The following VPS13B variants were observed in gnomAD, a reference collection of about 807,000 sequenced individuals.
VPS13B encodes the protein intermembrane lipid transfer protein VPS13B.
A neutral mutation model predicts 426.4 loss-of-function variants in VPS13B; 285 were observed. The ratio of observed to expected loss-of-function variants is 0.67; its 90% CI spans 0.61 to 0.74. VPS13B has a LOEUF of 0.74. Ranked by LOEUF, VPS13B falls within the 30% of genes least tolerant of loss-of-function variation. VPS13B has a pLI of 0.00. For missense variants in VPS13B, 4,537 were observed against 4,782.6 expected (o/e 0.95, Z 1.51); for synonymous variants, 1,676 against 1,676.4 (o/e 1.00, Z 0.01).
At chr8:99,096,691 G>C (rs1846440878) in intron 4 of VPS13B, among the ~76,000 whole-genome samples, 1 of 151,566 alleles carries the variant, frequency 6.6e-6, no homozygotes, top group South Asian at 2.1e-4. Flanking sequence ...GGGAGGTGGG[G>C]GTTACAGTGA....
chr8:99,121,568 C>T, intron 8 of VPS13B, 123 bp downstream of exon 8: 1 of 1,499,586 alleles, frequency 6.7e-7, no homozygotes, highest in Non-Finnish European at 8.9e-7. Flanking sequence ...TAGAGTCTAA[C>T]AGTTCTTACT....
At chr8:99,487,083 A>G (rs1423382416) in intron 25 of VPS13B, among the ~76,000 whole-genome samples, 1 of 151,198 alleles carries the variant, frequency 6.6e-6, no homozygotes, top group African/African-American at 2.4e-5. Context: ...GTCTCCTGCC[A>G]CTGTTTCTCA....
chr8:99,520,789 T>C, intron 29 of VPS13B, 110 bp from the exon 30 acceptor site: 1 of 773,626 alleles, frequency 1.3e-6, no homozygotes, highest in East Asian at 2.5e-5. Context: ...TTCTTATTTA[T>C]TGGTCTTATC....
chr8:99,436,795 G>C (rs1817401622), intron 22 of VPS13B, among the ~76,000 whole-genome samples: 1 of 152,156 alleles, frequency 6.6e-6, no homozygotes, highest in East Asian at 1.9e-4. Context: ...CTGGAGTGCA[G>C]TGGTGTGATC....
intron 25 of VPS13B, among the ~76,000 whole-genome samples, chr8:99,492,603 G>C (rs1820674411): frequency 6.6e-6 from 1 of 152,196 alleles, no homozygotes. Context: ...CCAGGCTCCT[G>C]CCTCGCAGGT....
At chr8:99,454,986 A>T (rs1330668333) in intron 23 of VPS13B, among the ~76,000 whole-genome samples, 2 of 151,934 alleles carry the variant, frequency 1.3e-5, no homozygotes, top group Non-Finnish European at 2.9e-5. Flanking sequence ...TAAATTGTTG[A>T]GTTTTCTTTG....
intron 17 of VPS13B, among the ~76,000 whole-genome samples, chr8:99,194,779 G>T (rs907269555): frequency 2.6e-5 from 4 of 151,984 alleles, no homozygotes; most frequent in Non-Finnish European, 1.5e-5. Flanking sequence ...CCCAGAAGTG[G>T]GATTGCTTAT....
At chr8:99,316,448 A>G (rs897657319) in intron 19 of VPS13B, among the ~76,000 whole-genome samples, 10 of 152,184 alleles carry the variant, frequency 6.6e-5, no homozygotes, top group Non-Finnish European at 1.3e-4. Flanking sequence ...GGGACATGGC[A>G]TAAGCGCCCT....
chr8:99,868,403 T>C lies in VPS13B; in HGVS notation c.11330T>C (p.Ile3777Thr), dbSNP rs1817211618. The change falls in exon 59 of 62, where the codon ATC (isoleucine) becomes ACC (threonine). Residue 3777 changes from isoleucine to threonine, a missense_variant. Coordinates refer to ENST00000357162, the MANE Select transcript of VPS13B (RefSeq NM_152564.5). The stretch of plus-strand genomic sequence containing the variant: ...GTCATCTCGGGTGTGGGGAAAGGAA[T>C]CATGGGGGTGTTCACAAAGCCCATC... ...KGVISGVGKG[I>T]MGVFTKPIGG... The C allele has an allele frequency of 6.2e-7, 1 of 1,613,992 alleles. No individual in the cohort carries two copies. Among genetic ancestry groups the C allele is most frequent in the Non-Finnish European group, 8.5e-7 (1 of 1,180,022 alleles).
At chr8:99,419,600 A>G (rs1179393667) in intron 21 of VPS13B, among the ~76,000 whole-genome samples, 1 of 152,178 alleles carries the variant, frequency 6.6e-6, no homozygotes, top group Non-Finnish European at 1.5e-5. Context: ...CCCTAGTATA[A>G]TACTGGCTTG....
chr8:99,347,108 GTAGA>G (rs989682663), intron 19 of VPS13B: 1 of 152,764 alleles, frequency 6.5e-6, no homozygotes, highest in African/African-American at 2.4e-5. Context: ...CAATATTAGT[GTAGA>G]TCTGCTTAGA....
intron 3 of VPS13B, among the ~76,000 whole-genome samples, chr8:99,039,863 A>C (rs1842901417): frequency 6.6e-6 from 1 of 152,112 alleles, no homozygotes; most frequent in Non-Finnish European, 1.5e-5. Flanking sequence ...TTAATAGACC[A>C]ATGTTATATT....
chr8:99,385,033 C>T (rs1461605683), intron 20 of VPS13B, among the ~76,000 whole-genome samples: 1 of 152,132 alleles, frequency 6.6e-6, no homozygotes, highest in East Asian at 1.9e-4. Flanking sequence ...TTTCAACAAA[C>T]ATGCATCGAA....
At chr8:99,411,011 T>C (rs1002706279) in intron 21 of VPS13B, among the ~76,000 whole-genome samples, 5 of 152,252 alleles carry the variant, frequency 3.3e-5, no homozygotes, top group Non-Finnish European at 7.4e-5. Context: ...GTGAATAGTG[T>C]TGCAATAAAC....
intron 2 of VPS13B, among the ~76,000 whole-genome samples, chr8:99,030,761 CATTT>C (rs1232685072): frequency 6.6e-6 from 1 of 152,164 alleles, no homozygotes; most frequent in Non-Finnish European, 1.5e-5. Context: ...ACTTTGCAAA[CATTT>C]ATTTCATGAT....
chr8:99,339,551 A>C (rs964690966), intron 19 of VPS13B, among the ~76,000 whole-genome samples: 9 of 151,616 alleles, frequency 5.9e-5, no homozygotes, highest in African/African-American at 1.9e-4. Flanking sequence ...CACCTCCAAC[A>C]CTGGAGATTA....
chr8:99,051,042 C>G (rs1393186109), intron 3 of VPS13B, among the ~76,000 whole-genome samples: 1 of 152,036 alleles, frequency 6.6e-6, no homozygotes, highest in Admixed American at 6.6e-5. Flanking sequence ...TAATTAGATC[C>G]CATTTGTCCA....
intron 17 of VPS13B, among the ~76,000 whole-genome samples, chr8:99,271,043 C>T (rs1275799435): frequency 6.6e-6 from 1 of 152,058 alleles, no homozygotes; most frequent in Non-Finnish European, 1.5e-5. Context: ...ATAGTAATAG[C>T]TCCTAAGGAT....
intron 21 of VPS13B, among the ~76,000 whole-genome samples, chr8:99,415,924 T>G (rs1815975342): frequency 6.6e-6 from 1 of 152,156 alleles, no homozygotes. Context: ...AGTCTGCCCC[T>G]TAGCAGAGCT....
Sources: allele counts gnomAD v4.1 joint callset (sites outside exome capture counted in the v4.1 genomes callset), GRCh38; gene constraint gnomAD v4.1.1; transcripts MANE v1.5; gene names NCBI Gene and HGNC (gene_info 2026-07-23, HGNC 2026-07-21).